YBEY: variants seen among roughly 807,000 people sequenced by gnomAD.
The protein encoded by YBEY is ybeY metalloendoribonuclease.
YBEY carries 15 observed loss-of-function variants against 13.5 expected under a neutral mutation model. That is an observed-to-expected ratio of 1.11 (90% CI 0.75 to 1.72). YBEY has a LOEUF of 1.72. Ranked by LOEUF, YBEY falls within the 40% of genes most tolerant of loss-of-function variation. The pLI is 0.00. For missense variants in YBEY, 244 were observed against 208.4 expected, an observed-to-expected ratio of 1.17 and a Z score of -1.05; for synonymous variants, 101 against 83.1, an observed-to-expected ratio of 1.21 and a Z score of -1.17.
chr21:46,301,111 G>T, downstream of YBEY: 1 of 1,005,620 alleles, frequency 9.9e-7, no homozygotes, highest in South Asian at 4.0e-5. Context: ...AACTCAAAAG[G>T]GATCACGTCA....
the YBEY span, among the ~76,000 whole-genome samples, chr21:46,306,568 A>G: frequency 6.6e-6 from 1 of 152,270 alleles, no homozygotes; most frequent in African/African-American, 2.4e-5. Context: ...ACTTTCCTGC[A>G]AATGTTTTTT....
rs537407222 is a variant in YBEY, at chr21:46,291,821, T to C, written c.339+359T>C. ...GAGCCTCCACCACCTTCCAGATCTG[T>C]TTCTCCTCAGTGTAATCCACCTATG... is the stretch of plus-strand genomic sequence containing the variant. On this transcript the variant is annotated intron_variant, in intron 3 of 4. Transcript: ENST00000397701. 45 of 1,073,712 alleles carry C rather than the reference T, an allele frequency of 4.2e-5. No individual in the cohort carries two copies. In the African/African-American group the frequency reaches 6.9e-4, roughly 17 times the overall value. 66.5% of individuals were successfully genotyped at this position (1,073,712 alleles called of 1,614,324 possible). A position where few individuals can be genotyped will look rare whatever the true frequency, so the allele number is the denominator to read the frequency against.
At chr21:46,288,022 A>G (rs1236887355) in intron 2 of YBEY, among the ~76,000 whole-genome samples, 2 of 151,626 alleles carry the variant, frequency 1.3e-5, no homozygotes, top group Admixed American at 6.6e-5. Flanking sequence ...CAGGAAAAAA[A>G]AAAGAAAAGA....
chr21:46,289,032 A>T (rs565416504), intron 2 of YBEY, among the ~76,000 whole-genome samples: 33 of 152,296 alleles, frequency 2.2e-4, no homozygotes, highest in African/African-American at 7.7e-4. Flanking sequence ...TCAAAAAAAA[A>T]GTTACCATTT....
At chr21:46,313,071 T>G in the YBEY span, 1 of 985,202 alleles carries the variant, frequency 1.0e-6, no homozygotes, top group South Asian at 4.7e-5. Context: ...AGACCAAGAG[T>G]TGGCAAACTT....
chr21:46,302,598 A>G, downstream of YBEY: 1 of 1,584,984 alleles, frequency 6.3e-7, no homozygotes. Context: ...AAGCAGGGGG[A>G]CCCTGAATAA....
At chr21:46,310,819 CTAAA>C in the YBEY span, among the ~76,000 whole-genome samples, 6 of 150,976 alleles carry the variant, frequency 4.0e-5, no homozygotes, top group South Asian at 8.3e-4. Flanking sequence ...CTCTCTCTCT[CTAAA>C]TAAATAAATA....
chr21:46,302,979 G>A, the YBEY span, among the ~76,000 whole-genome samples: 18 of 151,434 alleles, frequency 1.2e-4, no homozygotes, highest in East Asian at 3.4e-3. Context: ...GCGGGTCCCC[G>A]GGGCGCGCCC....
At chr21:46,299,108 ATG>A (rs1382408698), downstream of YBEY, among the ~76,000 whole-genome samples, 23 of 143,258 alleles carry the variant, frequency 1.6e-4, no homozygotes, top group Non-Finnish European at 2.5e-4. Flanking sequence ...CTTGTACTAC[ATG>A]TGTGTGCCAC....
At chr21:46,302,103 G>C, downstream of YBEY, 2 of 1,528,182 alleles carry the variant, frequency 1.3e-6, no homozygotes, top group Non-Finnish European at 1.8e-6. Context: ...TGCACGGCAG[G>C]CAGCCTTGGC....
At chr21:46,292,349 C>T (rs528045815) in intron 3 of YBEY, among the ~76,000 whole-genome samples, 2 of 152,200 alleles carry the variant, frequency 1.3e-5, no homozygotes, top group East Asian at 1.9e-4. Context: ...CCTCAGGACA[C>T]CTACATCTGA....
intron 3 of YBEY, chr21:46,291,723 G>C: frequency 8.1e-7 from 1 of 1,236,458 alleles, no homozygotes; most frequent in Non-Finnish European, 1.0e-6. Context: ...CTCTGGAGTA[G>C]AGCAGACTAT....
chr21:46,306,710 C>A, the YBEY span, among the ~76,000 whole-genome samples: 1 of 152,054 alleles, frequency 6.6e-6, no homozygotes, highest in Non-Finnish European at 1.5e-5. Context: ...ACCTCAGCCT[C>A]CCAAGTAGCT....
At chr21:46,298,064 G>C (rs951389645), downstream of YBEY, among the ~76,000 whole-genome samples, 7 of 152,232 alleles carry the variant, frequency 4.6e-5, no homozygotes, top group African/African-American at 1.7e-4. Flanking sequence ...CTTCATCAGG[G>C]CAGCGCGTCG....
At chr21:46,301,858 G>A, downstream of YBEY, 1 of 1,281,480 alleles carries the variant, frequency 7.8e-7, no homozygotes, top group Non-Finnish European at 9.8e-7. Context: ...CCCAGGAGGA[G>A]CCTGCAGTCC....
At chr21:46,310,152 A>G in the YBEY span, among the ~76,000 whole-genome samples, 1 of 152,172 alleles carries the variant, frequency 6.6e-6, no homozygotes, top group Non-Finnish European at 1.5e-5. Flanking sequence ...TCTTGATTGT[A>G]GTGATATAAG....
At position 46,297,613 on chromosome 21, in the gene YBEY, G is replaced by A. The variant is rs1416799417; in HGVS notation, c.483G>A (p.Arg161=). ...GGACCCGGCTGCAGCCCCTGACCCG[G>A]GGCCTCTTCGGAGGGAGCTGAGGGC... ...RTGTRLQPLT[R]GLFGGS Residue 161 remains arginine (R), a synonymous_variant, in exon 5 of 5, where the codon CGG becomes CGA. Transcript: ENST00000397701. 3 of 1,361,186 alleles carry A rather than the reference G, an allele frequency of 2.2e-6. No individual in the cohort carries two copies. The East Asian group carries it at 9.1e-5, about 41-fold the overall frequency. The allele number at this position is 1,361,186 out of a possible 1,614,324, so 84.3% of individuals were successfully genotyped here. A position where few individuals can be genotyped will look rare whatever the true frequency, so the allele number is the denominator to read the frequency against.
downstream of YBEY, chr21:46,300,886 A>C (rs2082084273): frequency 3.0e-6 from 3 of 993,416 alleles, no homozygotes; most frequent in South Asian, 4.5e-5. Context: ...ACCCAAAAAA[A>C]AAAGTAACAA....
chr21:46,295,749 T>C (rs1432511907), intron 3 of YBEY, among the ~76,000 whole-genome samples: 1 of 152,052 alleles, frequency 6.6e-6, no homozygotes, highest in Non-Finnish European at 1.5e-5. Flanking sequence ...GGACCTGGGG[T>C]GTGGGCTGTG....
Sources: allele counts gnomAD v4.1 joint callset (sites outside exome capture counted in the v4.1 genomes callset), GRCh38; gene constraint gnomAD v4.1.1; transcripts MANE v1.5; gene names NCBI Gene and HGNC (gene_info 2026-07-23, HGNC 2026-07-21).